The following ADAMTSL3 variants were observed in gnomAD, a reference collection of about 807,000 sequenced individuals.
ADAMTSL3 encodes ADAMTS-like protein 3.
In ADAMTSL3, 128 loss-of-function variants were observed where a neutral mutation model predicts 201.7. The observed-to-expected ratio is 0.63, with a 90% CI of 0.55 to 0.73. The LOEUF is 0.73. Ranked by LOEUF, ADAMTSL3 falls within the 30% of genes least tolerant of loss-of-function variation. The pLI, the probability that ADAMTSL3 is intolerant of heterozygous loss-of-function variation, is 0.00. For synonymous variants in ADAMTSL3, 738 were observed against 748.4 expected, an observed-to-expected ratio of 0.99 and a Z score of 0.23; for missense variants, 1,990 against 2,119.6, an observed-to-expected ratio of 0.94 and a Z score of 1.20.
chr15:83,760,929 A>T (rs563150956), intron 3 of ADAMTSL3, among the ~76,000 whole-genome samples: 182 of 152,160 alleles, frequency 1.2e-3, no homozygotes, highest in Non-Finnish European at 2.2e-3. Context: ...CTGTCTTTTA[A>T]TTGGTGATTT....
chr15:83,928,859 T>C (rs979075802), intron 17 of ADAMTSL3, among the ~76,000 whole-genome samples: 5 of 152,210 alleles, frequency 3.3e-5, no homozygotes, highest in African/African-American at 1.2e-4. Flanking sequence ...AGTTTCTTTT[T>C]TGAGTGGAAT....
chr15:83,914,685 T>G (rs2141964740), intron 16 of ADAMTSL3, among the ~76,000 whole-genome samples: 1 of 152,330 alleles, frequency 6.6e-6, no homozygotes, highest in Admixed American at 6.5e-5. Context: ...TCTGGTTTAG[T>G]TGAACCTTAA....
Position 83,891,393 on chromosome 15 carries a change from T to G in ADAMTSL3, c.1262+14T>G. 16 of 1,609,724 alleles carry G rather than the reference T, an allele frequency of 9.9e-6. No homozygotes were observed. Among genetic ancestry groups the G allele is most frequent in the Non-Finnish European group, 8.5e-6 (10 of 1,176,244 alleles). On this transcript the variant is annotated intron_variant, in intron 12 of 29. Transcript: ENST00000286744. ...ACCTCTTCCTCGGTGAGTTATATGT[T>G]TCCTTTTCCTTTTTGCAATTTAAGT...
chr15:83,671,298 T>A (rs2061326145), intron 2 of ADAMTSL3, among the ~76,000 whole-genome samples: 1 of 152,180 alleles, frequency 6.6e-6, no homozygotes, highest in Non-Finnish European at 1.5e-5. Context: ...ACAGAACTTT[T>A]TGGGGGCAGC....
chr15:83,976,564 C>A (rs1002537341), intron 20 of ADAMTSL3, among the ~76,000 whole-genome samples: 1 of 151,762 alleles, frequency 6.6e-6, no homozygotes, highest in Non-Finnish European at 1.5e-5. Flanking sequence ...TGTTTTCCTG[C>A]AACTAGATGG....
intron 20 of ADAMTSL3, among the ~76,000 whole-genome samples, chr15:83,980,079 G>A (rs2141802140): frequency 6.6e-6 from 1 of 152,292 alleles, no homozygotes; most frequent in South Asian, 2.1e-4. Flanking sequence ...AGCAAAATTT[G>A]AGAGCCATTT....
intron 3 of ADAMTSL3, among the ~76,000 whole-genome samples, chr15:83,755,190 AT>A (rs370739287): frequency 1.3e-5 from 2 of 151,016 alleles, no homozygotes; most frequent in Admixed American, 6.6e-5. Context: ...GAGTTTTTCC[AT>A]TTTTTTTTAA....
intron 9 of ADAMTSL3, 43 bp from the exon 10 acceptor site, chr15:83,885,058 G>C: frequency 7.4e-7 from 1 of 1,350,968 alleles, no homozygotes. Flanking sequence ...GAAAGCACTA[G>C]CTCCTTGTTT....
chr15:83,751,265 C>T (rs1043636785), intron 3 of ADAMTSL3, among the ~76,000 whole-genome samples: 4 of 152,048 alleles, frequency 2.6e-5, no homozygotes, highest in South Asian at 2.1e-4. Flanking sequence ...ATAATTTCAA[C>T]GTTATTAAAA....
At chr15:83,918,167 C>T (rs946293669) in intron 16 of ADAMTSL3, among the ~76,000 whole-genome samples, 48 of 152,222 alleles carry the variant, frequency 3.2e-4, no homozygotes, top group South Asian at 1.2e-3. Flanking sequence ...GTCTAGAATT[C>T]CAGGAACAAT....
At chr15:83,775,152 C>A (rs2063050204) in intron 4 of ADAMTSL3, among the ~76,000 whole-genome samples, 1 of 151,996 alleles carries the variant, frequency 6.6e-6, no homozygotes, top group African/African-American at 2.4e-5. Context: ...AGCCAGGGGG[C>A]TTCTTATGTC....
At chr15:83,983,408 C>CAAAAATAT in intron 21 of ADAMTSL3, 64 bp downstream of exon 21, 1 of 1,184,460 alleles carries the variant, frequency 8.4e-7, no homozygotes, top group South Asian at 2.1e-5. Flanking sequence ...TTCCAGTTTT[C>CAAAAATAT]TTGAAAATAT....
chr15:83,709,055 C>T (rs1400913063), intron 3 of ADAMTSL3, among the ~76,000 whole-genome samples: 1 of 152,150 alleles, frequency 6.6e-6, no homozygotes, highest in African/African-American at 2.4e-5. Context: ...ATCCTGATTC[C>T]ACTGTTTACA....
intron 3 of ADAMTSL3, among the ~76,000 whole-genome samples, chr15:83,706,136 C>T (rs1373173940): frequency 6.6e-6 from 1 of 152,086 alleles, no homozygotes; most frequent in Non-Finnish European, 1.5e-5. Context: ...AACAGGTTTT[C>T]ATATGAGAAC....
At chr15:84,014,899 C>T (rs2068063933) in intron 24 of ADAMTSL3, among the ~76,000 whole-genome samples, 175 bp downstream of exon 24, 2 of 152,080 alleles carry the variant, frequency 1.3e-5, no homozygotes, top group Non-Finnish European at 2.9e-5. Flanking sequence ...ATTTTACCAC[C>T]CCGTATTCCC....
intron 17 of ADAMTSL3, among the ~76,000 whole-genome samples, chr15:83,927,027 A>G (rs1201027546): frequency 6.6e-6 from 1 of 152,168 alleles, no homozygotes; most frequent in East Asian, 1.9e-4. Flanking sequence ...TCCTTCAGAA[A>G]TACTGCTTTC....
At chr15:83,929,757 C>T (rs2066320509) in intron 17 of ADAMTSL3, among the ~76,000 whole-genome samples, 1 of 150,834 alleles carries the variant, frequency 6.6e-6, no homozygotes, top group Non-Finnish European at 1.5e-5. Context: ...CACAGAGAGA[C>T]AGAGAGAGAC....
At chr15:83,856,472 TG>T (rs1319506500) in intron 7 of ADAMTSL3, among the ~76,000 whole-genome samples, 1 of 152,160 alleles carries the variant, frequency 6.6e-6, no homozygotes, top group Non-Finnish European at 1.5e-5. Context: ...CCACCATGCC[TG>T]GCCCCCTCCT....
At chr15:83,820,707 A>G (rs1044253928) in intron 6 of ADAMTSL3, among the ~76,000 whole-genome samples, 1 of 152,238 alleles carries the variant, frequency 6.6e-6, no homozygotes, top group Admixed American at 6.5e-5. Context: ...CAGATTTTTC[A>G]GAGTGGTCTC....
Sources: allele counts gnomAD v4.1 joint callset (sites outside exome capture counted in the v4.1 genomes callset), GRCh38; gene constraint gnomAD v4.1.1; transcripts MANE v1.5; gene names NCBI Gene and HGNC (gene_info 2026-07-23, HGNC 2026-07-21).